The following CELSR1 variants were observed in gnomAD, a reference collection of about 807,000 sequenced individuals.
CELSR1 encodes the protein cadherin EGF LAG seven-pass G-type receptor 1, also known as adhesion G protein-coupled receptor C1.
In CELSR1, 110 loss-of-function variants were observed where a neutral mutation model predicts 249.1. The ratio of observed to expected loss-of-function variants is 0.44; its 90% CI spans 0.38 to 0.52. CELSR1 has a LOEUF of 0.52. Ranked by LOEUF, CELSR1 falls within the 20% of genes least tolerant of loss-of-function variation. The pLI, the probability that CELSR1 is intolerant of heterozygous loss-of-function variation, is 0.00. For missense variants in CELSR1, 4,109 were observed against 4,296.4 expected (o/e 0.96, Z 1.22); for synonymous variants, 2,113 against 1,900.0 (o/e 1.11, Z -2.92).
At position 46,391,285 on chromosome 22, in the gene CELSR1, T is replaced by C; in HGVS notation, c.6151A>G (p.Ile2051Val). 1 of 1,613,242 alleles carries C rather than the reference T, an allele frequency of 6.2e-7. No individual in the cohort carries two copies. Among genetic ancestry groups the C allele is most frequent in the Non-Finnish European group, 8.5e-7 (1 of 1,179,788 alleles). The part of the protein sequence containing the change: ...AEVTTLGCEV[I>V]YNGCPKAFEA... ...AATGCTTTGGGACAGCCATTGTAGA[T>C]CACTGGGGTAGAGAAGAGAGAAGTC... is the stretch of plus-strand genomic sequence containing the variant. Residue 2051 changes from isoleucine (I) to valine (V), a missense_variant and splice_region_variant, in exon 16 of 35, where the codon ATC (isoleucine) becomes GTC (valine). Transcript: ENST00000674500. This position sits in a 1 kb window ranked among gnomAD's most constrained non-coding sequence, Gnocchi z 4.3.
Position 46,386,427 on chromosome 22 carries a change from G to C in CELSR1, c.6714C>G (p.Pro2238=). The stretch of plus-strand genomic sequence containing the variant: ...TCATGTTGGCGGTGACGATGACGAA[G>C]GGCCGCAGGTACGTCCGCCGCACGT... ...ARNVRRTYLR[P]FVIVTANMIL... Residue 2238 remains proline (P), a synonymous_variant, in exon 19 of 35, where the codon CCC becomes CCG. Coordinates refer to ENST00000674500, the MANE Select transcript of CELSR1 (RefSeq NM_001378328.1). 1 of 1,588,212 alleles carries C rather than the reference G, an allele frequency of 6.3e-7. No homozygotes were observed. Among genetic ancestry groups the C allele is most frequent in the Non-Finnish European group, 8.6e-7 (1 of 1,167,708 alleles).
At chr22:46,492,758 C>A (rs1487197379) in intron 1 of CELSR1, among the ~76,000 whole-genome samples, 1 of 151,410 alleles carries the variant, frequency 6.6e-6, no homozygotes, top group African/African-American at 2.4e-5. Flanking sequence ...CGTGCTCGGC[C>A]GAAACCCAGG....
rs1166904731 is a variant in CELSR1, at chr22:46,472,840, GGCCTCT to G, written c.3545-8501_3545-8496del. Among the ~76,000 whole-genome samples the G allele has an allele frequency of 2.6e-5, 4 of 152,168 alleles. No individual in the cohort carries two copies. The highest frequency in any genetic ancestry group is 7.2e-5 in the African/African-American group (3 of 41,440). On this transcript the variant is annotated intron_variant, in intron 1 of 34. Transcript: ENST00000674500. The surrounding 1 kb of genome is among the most constrained non-coding windows in gnomAD (Gnocchi z 7.0). ...GCTTGGCTCCTAGGTGCACCCCTCT[GGCCTCT>G]GCCTCTGCGCCAAGTGGCTATGGCT...
Position 46,364,716 on chromosome 22 carries a change from C to T in CELSR1, c.8575G>A (p.Val2859Ile), listed in dbSNP as rs145409192. 9.5e-5 allele frequency: 153 copies of T among 1,612,144 alleles called. No homozygotes were observed. The highest frequency in any genetic ancestry group is 2.8e-4 in the African/African-American group (21 of 74,944). The change falls in exon 33 of 35, where the codon GTT becomes ATT. Residue 2859 changes from valine (V) to isoleucine (I), a missense_variant. Physicochemically the swap from Val to Ile is conservative, Grantham distance 29 (BLOSUM62 3). Coordinates refer to ENST00000674500, the MANE Select transcript of CELSR1 (RefSeq NM_001378328.1). ...TPKGDAVANHVPAGWPDQSLA... is the reference protein window; with the variant it reads ...TPKGDAVANHIPAGWPDQSLA... Reference sequence around the variant, plus strand: ...CTCTGGTCGGGCCAGCCGGCCGGAACGTGGTTGGCCACAGCGTCCCCTGAG... The same window carrying T: ...CTCTGGTCGGGCCAGCCGGCCGGAATGTGGTTGGCCACAGCGTCCCCTGAG...
intron 1 of CELSR1, among the ~76,000 whole-genome samples, chr22:46,478,107 G>A (rs939052232): frequency 6.6e-6 from 1 of 152,172 alleles, no homozygotes; most frequent in African/African-American, 2.4e-5. Context: ...CTTCCGGCCT[G>A]AGACTCTCAG....
chr22:46,394,256 G>C lies in CELSR1; in HGVS notation c.5850C>G (p.Asp1950Glu). 6.2e-7 allele frequency: 1 copy of C among 1,613,036 alleles called. No individual in the cohort carries two copies. The highest frequency in any genetic ancestry group is 8.5e-7 in the Non-Finnish European group (1 of 1,179,610). Residue 1950 changes from aspartate to glutamate, a missense_variant, in exon 14 of 35, where the codon GAC becomes GAG. By Grantham distance (45) the Asp-to-Glu change is conservative. Coordinates refer to ENST00000674500, the MANE Select transcript of CELSR1 (RefSeq NM_001378328.1). ...HYGPYCENKL[D>E]LPCPRGWWGN... ...CCCACCAGCCTCTGGGGCACGGAAG[G>C]TCGAGTCTGTGGGGAAAATAAGAGG...
At chr22:46,456,786 C>A (rs1180928550) in intron 2 of CELSR1, among the ~76,000 whole-genome samples, 1 of 150,716 alleles carries the variant, frequency 6.6e-6, no homozygotes, top group Non-Finnish European at 1.5e-5. Context: ...CCCATGAGCA[C>A]ACAGGTGATT....
chr22:46,410,858 C>T lies in CELSR1; in HGVS notation c.4770-297G>A, dbSNP rs2079326267. On this transcript the variant is annotated intron_variant, in intron 6 of 34. Coordinates refer to ENST00000674500, the MANE Select transcript of CELSR1 (RefSeq NM_001378328.1). This position sits in a 1 kb window ranked among gnomAD's most constrained non-coding sequence, Gnocchi z 6.8. ...CGAGACAGGATGTGAGCGCAGGGAG[C>T]ACAGGTCAAGGCCAGCAGGGACTAT... is the stretch of plus-strand genomic sequence containing the variant. 6.6e-6 allele frequency among the ~76,000 whole-genome samples: 1 copy of T among 151,840 alleles called. No homozygotes were observed. The highest frequency in any genetic ancestry group is 1.5e-5 in the Non-Finnish European group (1 of 67,994).
intron 1 of CELSR1, among the ~76,000 whole-genome samples, chr22:46,525,186 C>T (rs577473035): frequency 1.4e-4 from 21 of 152,320 alleles, no homozygotes; most frequent in Non-Finnish European, 2.9e-4. Flanking sequence ...TGGTGGCTCA[C>T]GCCTATAATC....
rs1403134180 is a variant in CELSR1 at position 46,408,302 on chromosome 22, A to C, written c.5226+694T>G. Among the ~76,000 whole-genome samples the C allele has an allele frequency of 6.6e-6, 1 of 152,200 alleles. No homozygotes were observed. Among genetic ancestry groups the C allele is most frequent in the African/African-American group, 2.4e-5 (1 of 41,452 alleles). On this transcript the variant is annotated intron_variant, in intron 9 of 34. Transcript: ENST00000674500. This position sits in a 1 kb window ranked among gnomAD's most constrained non-coding sequence, Gnocchi z 4.6. ...GCTGAGGCATCTCAAGCTCCCAGAG[A>C]AAGTGGACGTGCATTGGTGCCAACC...
chr22:46,389,248 TC>T lies in CELSR1; in HGVS notation c.6555+41del, dbSNP rs111857508. The T allele has an allele frequency of 3.6e-3, 5,721 of 1,592,090 alleles. 184 individuals are homozygous for T. The African/African-American group carries it at 0.066, about 18-fold the overall frequency. On this transcript the variant is annotated intron_variant, in intron 18 of 34. Transcript: ENST00000674500. ...GCACCCACCCACGGGCATCCGAGTG[TC>T]CCCGAGTGTCCCCGAGCCAGGGTGG...
chr22:46,417,843 C>G lies in CELSR1; in HGVS notation c.4612-6084G>C, dbSNP rs2079421002. ...TGGCGTGGCTGATATTACTATCATC[C>G]TCATTCTCAACTCAGAGTCCAGCTG... On this transcript the variant is annotated intron_variant, in intron 5 of 34. Transcript: ENST00000674500. The surrounding 1 kb of genome is among the most constrained non-coding windows in gnomAD (Gnocchi z 4.1). Among the ~76,000 whole-genome samples the G allele has an allele frequency of 6.6e-6, 1 of 152,218 alleles. No homozygotes were observed. The highest frequency in any genetic ancestry group is 2.4e-5 in the African/African-American group (1 of 41,440).
In CELSR1 at chr22:46,363,325, C is replaced by CG. The variant is rs878930811; in HGVS notation, c.9036-79dup. ...CTTGGTGGGGCCCAAGGTTGTCACA[C>CG]GGGGGGGCAGGATCACCCCATCAGG... On this transcript the variant is annotated intron_variant, in intron 34 of 34. Transcript: ENST00000674500. The surrounding 1 kb of genome is among the most constrained non-coding windows in gnomAD (Gnocchi z 4.3). The CG allele has an allele frequency of 9.3e-4, 1,160 of 1,251,090 alleles. 7 individuals carry two copies. Among genetic ancestry groups the CG allele is most frequent in the Middle Eastern group, 7.2e-3 (36 of 5,020 alleles). The allele number at this position is 1,251,090 out of a possible 1,614,324, so 77.5% of individuals were successfully genotyped here. A position where few individuals can be genotyped will look rare whatever the true frequency, so the allele number is the denominator to read the frequency against.
At chr22:46,367,215 CACA>C (rs2078795620) in intron 28 of CELSR1, 97 bp from the exon 29 acceptor site, 5 of 1,454,754 alleles carry the variant, frequency 3.4e-6, no homozygotes, top group Admixed American at 2.2e-5. Context: ...CTTGAGTGCA[CACA>C]ACATGTCCGG....
At chr22:46,384,183 G>A (rs1009438617) in intron 20 of CELSR1, among the ~76,000 whole-genome samples, 6 of 152,124 alleles carry the variant, frequency 3.9e-5, no homozygotes, top group African/African-American at 7.2e-5. Context: ...TGATCTGCCC[G>A]CCTCGGCCTC....
At chr22:46,376,909 G>C in intron 24 of CELSR1, 152 bp downstream of exon 24, 1 of 765,632 alleles carries the variant, frequency 1.3e-6, no homozygotes, top group Non-Finnish European at 2.2e-6. Context: ...CACAGCCTGT[G>C]ACCAGGCACG....
chr22:46,373,709 A>AGATGGGGGAGAAGGGGGAGATGGGGGG (rs2078885863), intron 24 of CELSR1, among the ~76,000 whole-genome samples: 1 of 103,288 alleles, frequency 9.7e-6, no homozygotes, highest in Non-Finnish European at 2.0e-5. Context: ...GAGATGGGGG[A>AGATGGGGGAGAAGGGGGAGATGGGGGG]GATGGGGGAG....
At position 46,517,832 on chromosome 22, in the gene CELSR1, G is replaced by C. The variant is rs1159211022; in HGVS notation, c.3544+15795C>G. Among the ~76,000 whole-genome samples the C allele has an allele frequency of 6.6e-6, 1 of 151,918 alleles. No homozygotes were observed. On this transcript the variant is annotated intron_variant, in intron 1 of 34. Transcript: ENST00000674500. The surrounding 1 kb of genome is among the most constrained non-coding windows in gnomAD (Gnocchi z 5.4). ...CCCAGAGGGAAAGGGAGGGTGAGCT[G>C]TCATCTGAAAGCACCCACCACCCTG...
chr22:46,366,955 C>T (rs756433065), intron 29 of CELSR1, 38 bp downstream of exon 29: 7 of 1,591,222 alleles, frequency 4.4e-6, no homozygotes, highest in Non-Finnish European at 6.0e-6. Flanking sequence ...GAGATGCCGC[C>T]CAGCCCCCAG....
Sources: gnomAD v4.1 joint callset for allele counts (sites outside exome capture counted in the v4.1 genomes callset) on GRCh38, gnomAD v4.1.1 for gene constraint, Gnocchi (gnomAD v3.1) non-coding constraint, MANE v1.5 for transcripts, NCBI Gene and HGNC (gene_info 2026-07-23, HGNC 2026-07-21) for gene names.